DIAPH2: variants seen among roughly 807,000 people sequenced by gnomAD.
The protein encoded by DIAPH2 is protein diaphanous homolog 2.
Under a neutral mutation model 92.7 loss-of-function variants are expected in DIAPH2, and 35 were observed. That is an observed-to-expected ratio of 0.38 (90% CI 0.29 to 0.50). The LOEUF (loss-of-function observed/expected upper bound fraction) is 0.50. Ranked by LOEUF, DIAPH2 falls within the 20% of genes least tolerant of loss-of-function variation. The probability of loss-of-function intolerance (pLI) is 0.94; values close to 1 mark genes in which losing one functional copy is unlikely to be tolerated. For synonymous variants in DIAPH2, 301 were observed against 280.4 expected (o/e 1.07, Z -0.73); for missense variants, 701 against 819.5 (o/e 0.86, Z 1.77).
Position 97,141,581 on chromosome X carries a change from G to A in DIAPH2, c.2590-84G>A, listed in dbSNP as rs985444318. 5 of 984,641 alleles carry A rather than the reference G, an allele frequency of 5.1e-6. No individual in the cohort carries two copies. The African/African-American group carries it at 9.9e-5, about 20-fold the overall frequency. The allele number at this position is 984,641 out of a possible 1,213,427, so 81.1% of individuals were successfully genotyped here. On this transcript the variant is annotated intron_variant, in intron 21 of 26. Transcript: ENST00000324765. ...AAAGTTTTAAAAACATTTTAAATGG[G>A]TTATAATAAATTCATTCATTTCACT...
In DIAPH2 at chrX:96,890,655, A is replaced by G. The variant is rs1449839080; in HGVS notation, c.587+8937A>G. ...TATATAAATAAGTGTACACACACACACATACGTATACATACTAACAGTTTT... is the reference window on the plus strand; with the variant it reads ...TATATAAATAAGTGTACACACACACGCATACGTATACATACTAACAGTTTT... On this transcript the variant is annotated intron_variant, in intron 5 of 26. Transcript: ENST00000324765. Among the ~76,000 whole-genome samples the G allele has an allele frequency of 4.5e-5, 5 of 111,570 alleles. No individual in the cohort carries two copies. The East Asian group carries it at 8.5e-4, about 19-fold the overall frequency.
In DIAPH2 at chrX:97,244,956, G is replaced by A. The variant is rs139538936; in HGVS notation, c.2720-2759G>A. ...ATATAAAAATTAGCTGGGCGTGGTGGCACATGCCTGTAGTCCCAGCTACTT... is the reference window on the plus strand; with the variant it reads ...ATATAAAAATTAGCTGGGCGTGGTGACACATGCCTGTAGTCCCAGCTACTT... On this transcript the variant is annotated intron_variant, in intron 22 of 26. Coordinates refer to ENST00000324765, the MANE Select transcript of DIAPH2 (RefSeq NM_006729.5). Among the ~76,000 whole-genome samples the A allele has an allele frequency of 2.4e-3, 262 of 110,695 alleles. 1 individual carries two copies. The highest frequency in any genetic ancestry group is 8.5e-3 in the African/African-American group (258 of 30,442).
intron 23 of DIAPH2, among the ~76,000 whole-genome samples, chrX:97,302,208 T>G (rs2068712488): frequency 2.9e-5 from 1 of 34,866 alleles, no homozygotes; most frequent in African/African-American, 1.3e-4. Flanking sequence ...CAAGACTCCA[T>G]CTCAAAAAAA....
At chrX:96,875,737 C>T (rs1327640754) in intron 4 of DIAPH2, among the ~76,000 whole-genome samples, 1 of 109,942 alleles carries the variant, frequency 9.1e-6, no homozygotes, top group Admixed American at 9.8e-5. Flanking sequence ...ATCTTTTACC[C>T]TACATTTTTT....
chrX:96,834,720 C>G (rs1459990408), intron 4 of DIAPH2, among the ~76,000 whole-genome samples: 1 of 111,211 alleles, frequency 9.0e-6, no homozygotes, highest in Non-Finnish European at 1.9e-5. Flanking sequence ...TACAGGATAA[C>G]TTGTAAGGAA....
intron 23 of DIAPH2, among the ~76,000 whole-genome samples, chrX:97,282,219 A>C (rs993557291): frequency 9.8e-5 from 11 of 111,904 alleles, no homozygotes; most frequent in Non-Finnish European, 2.1e-4. Context: ...CTATGGCTTC[A>C]CAGCGGCAAC....
intron 23 of DIAPH2, among the ~76,000 whole-genome samples, chrX:97,347,111 CAG>C (rs2069164760): frequency 1.3e-5 from 1 of 79,743 alleles, no homozygotes; most frequent in African/African-American, 5.1e-5. Context: ...TTTTTTGAGA[CAG>C]AGTCTCACAC....
chrX:97,547,245 T>C (rs375717377), intron 26 of DIAPH2, among the ~76,000 whole-genome samples: 1 of 111,542 alleles, frequency 9.0e-6, no homozygotes, highest in African/African-American at 3.3e-5. Flanking sequence ...CTCAGACTGA[T>C]GGTAAAACAA....
At chrX:96,963,225 G>T (rs766342837) in intron 16 of DIAPH2, among the ~76,000 whole-genome samples, 6 of 111,471 alleles carry the variant, frequency 5.4e-5, no homozygotes, top group Non-Finnish European at 7.5e-5. Context: ...TGGGATGTAG[G>T]ACACCTTGTG....
intron 5 of DIAPH2, among the ~76,000 whole-genome samples, chrX:96,886,445 C>T (rs1402132898): frequency 9.0e-6 from 1 of 110,713 alleles, no homozygotes; most frequent in Non-Finnish European, 1.9e-5. Context: ...TTCAGGAAAA[C>T]TTTCAGAAAA....
In DIAPH2 at chrX:96,771,326, TG is replaced by T. The variant is rs201682154; in HGVS notation, c.447+13069del. Among the ~76,000 whole-genome samples the T allele has an allele frequency of 4.5e-3, 505 of 112,170 alleles. 4 individuals are homozygous for T. The highest frequency in any genetic ancestry group is 0.015 in the African/African-American group (476 of 30,980). On this transcript the variant is annotated intron_variant, in intron 4 of 26. Coordinates refer to ENST00000324765, the MANE Select transcript of DIAPH2 (RefSeq NM_006729.5). ...GATTTTGCATCACAAATTCATTAGC[TG>T]TGCATTTTGATTGTGATCATGTTGG...
chrX:97,163,225 A>G (rs993740607), intron 22 of DIAPH2, among the ~76,000 whole-genome samples: 1 of 110,581 alleles, frequency 9.0e-6, no homozygotes, highest in Admixed American at 9.7e-5. Context: ...GCTGGAGTAC[A>G]TTGGTGCAAT....
intron 4 of DIAPH2, among the ~76,000 whole-genome samples, chrX:96,855,080 T>C (rs919374682): frequency 2.7e-5 from 3 of 111,339 alleles, no homozygotes; most frequent in Non-Finnish European, 5.7e-5. Context: ...GCTAATTTCT[T>C]ATTTTTTTAT....
chrX:96,935,116 A>G (rs1022166592), intron 10 of DIAPH2, among the ~76,000 whole-genome samples: 12 of 111,884 alleles, frequency 1.1e-4, no homozygotes, highest in Non-Finnish European at 2.3e-4. Context: ...TAACAAGCAT[A>G]GAGTGTTTCA....
chrX:97,361,087 G>A (rs1355915022), intron 24 of DIAPH2, among the ~76,000 whole-genome samples: 4 of 100,440 alleles, frequency 4.0e-5, no homozygotes, highest in Non-Finnish European at 8.0e-5. Flanking sequence ...AGACAGGATC[G>A]TGCTATGTTG....
chrX:97,407,912 G>T (rs908517871), intron 25 of DIAPH2, among the ~76,000 whole-genome samples: 2 of 111,889 alleles, frequency 1.8e-5, no homozygotes, highest in African/African-American at 6.5e-5. Context: ...AAGCTCTAAG[G>T]AATGACAGTC....
intron 20 of DIAPH2, among the ~76,000 whole-genome samples, chrX:97,104,973 C>CA (rs935744240): frequency 1.7e-4 from 19 of 111,366 alleles, no homozygotes; most frequent in Non-Finnish European, 3.4e-4. Context: ...CCCGTCTCTA[C>CA]AAAAAATACA....
intron 23 of DIAPH2, among the ~76,000 whole-genome samples, chrX:97,260,533 G>A (rs892508748): frequency 1.8e-5 from 2 of 112,145 alleles, no homozygotes; most frequent in Admixed American, 1.9e-4. Context: ...GTACCTTGGC[G>A]ATGATTTGGT....
chrX:97,535,068 G>A (rs752304246), intron 26 of DIAPH2, among the ~76,000 whole-genome samples: 2 of 112,042 alleles, frequency 1.8e-5, no homozygotes, highest in South Asian at 7.5e-4. Flanking sequence ...ATCTAGAGGA[G>A]CCCAAAGAGA....
Sources: allele counts gnomAD v4.1 joint callset (sites outside exome capture counted in the v4.1 genomes callset), GRCh38; gene constraint gnomAD v4.1.1; transcripts MANE v1.5; gene names NCBI Gene and HGNC (gene_info 2026-07-23, HGNC 2026-07-21).